Variants in AGMO observed in about 807,000 individuals in gnomAD.
AGMO encodes the protein alkylglycerol monooxygenase.
A neutral mutation model predicts 60.2 loss-of-function variants in AGMO; 75 were observed. The ratio of observed to expected loss-of-function variants is 1.25; its 90% CI spans 1.03 to 1.51. The LOEUF is 1.51. Among genes scored for constraint, AGMO ranks in the 40% most tolerant of loss-of-function variants. The probability of loss-of-function intolerance (pLI) is 0.00; values close to 1 mark genes in which losing one functional copy is unlikely to be tolerated. For synonymous variants in AGMO, 261 were observed against 177.1 expected, an observed-to-expected ratio of 1.47 and a Z score of -3.76; for missense variants, 763 against 525.5, an observed-to-expected ratio of 1.45 and a Z score of -4.42.
At chr7:15,191,276 G>A in the AGMO span, among the ~76,000 whole-genome samples, 649 of 152,220 alleles carry the variant, frequency 4.3e-3, 1 homozygote, top group African/African-American at 0.013. Flanking sequence ...CAAGTAACAC[G>A]ATATCTTGCT....
intron 12 of AGMO, among the ~76,000 whole-genome samples, chr7:15,310,091 T>C (rs1470919081): frequency 6.6e-6 from 1 of 152,178 alleles, no homozygotes; most frequent in Admixed American, 6.5e-5. Context: ...GCCTGTTCTT[T>C]CTGGATTAGC....
At chr7:15,488,011 AAAATTTTCCCCGAG>A (rs1210514288) in intron 3 of AGMO, among the ~76,000 whole-genome samples, 1 of 152,180 alleles carries the variant, frequency 6.6e-6, no homozygotes, top group Non-Finnish European at 1.5e-5. Context: ...CAATATGCAT[AAAATTTTCCCCGAG>A]ATCTGTTTAG....
At chr7:15,156,283 T>C in the AGMO span, among the ~76,000 whole-genome samples, 1 of 152,206 alleles carries the variant, frequency 6.6e-6, no homozygotes, top group African/African-American at 2.4e-5. Flanking sequence ...GAAAGAGCTA[T>C]GGCAGTGGCT....
chr7:15,391,781 C>T (rs1419520862), intron 6 of AGMO, among the ~76,000 whole-genome samples: 4 of 152,104 alleles, frequency 2.6e-5, no homozygotes, highest in Non-Finnish European at 1.5e-5. Context: ...AAGCATTTTG[C>T]CCCTTAAGGA....
chr7:15,227,643 G>A (rs1782127259), intron 12 of AGMO, among the ~76,000 whole-genome samples: 1 of 152,024 alleles, frequency 6.6e-6, no homozygotes, highest in South Asian at 2.1e-4. Flanking sequence ...CATTATGGCT[G>A]GAATTTCCAC....
intron 3 of AGMO, among the ~76,000 whole-genome samples, chr7:15,509,751 G>A (rs967102897): frequency 5.9e-5 from 9 of 152,118 alleles, no homozygotes; most frequent in Non-Finnish European, 1.0e-4. Context: ...AATGGGCAAA[G>A]GACCTGAATA....
chr7:15,352,267 C>T (rs1405400393), intron 12 of AGMO, among the ~76,000 whole-genome samples: 1 of 152,072 alleles, frequency 6.6e-6, no homozygotes, highest in East Asian at 1.9e-4. Context: ...AAGATGGCCT[C>T]CCTACTTGTC....
the AGMO span, among the ~76,000 whole-genome samples, chr7:15,152,241 T>C: frequency 6.6e-6 from 1 of 152,174 alleles, no homozygotes; most frequent in African/African-American, 2.4e-5. Context: ...TGTTTTCTTT[T>C]AAAATTTTTA....
intron 3 of AGMO, among the ~76,000 whole-genome samples, chr7:15,525,936 T>A (rs1181612266): frequency 6.6e-6 from 1 of 152,170 alleles, no homozygotes; most frequent in African/African-American, 2.4e-5. Flanking sequence ...AACACTGGAA[T>A]CCACTGCAGG....
At chr7:15,251,556 T>C (rs533975642) in intron 12 of AGMO, among the ~76,000 whole-genome samples, 2 of 152,332 alleles carry the variant, frequency 1.3e-5, no homozygotes, top group African/African-American at 4.8e-5. Context: ...GTTAATGTTC[T>C]AAGAAAGCAA....
chr7:15,386,798 C>CTTCT (rs1783932835), intron 9 of AGMO, among the ~76,000 whole-genome samples: 1 of 152,126 alleles, frequency 6.6e-6, no homozygotes, highest in Non-Finnish European at 1.5e-5. Flanking sequence ...TAAAAAGCAC[C>CTTCT]TTCTCTTTCT....
chr7:15,214,505 A>T (rs931816385), intron 12 of AGMO, among the ~76,000 whole-genome samples: 1 of 151,982 alleles, frequency 6.6e-6, no homozygotes, highest in African/African-American at 2.4e-5. Context: ...ATTTTCTCAC[A>T]CCCTCAAATT....
intron 4 of AGMO, among the ~76,000 whole-genome samples, chr7:15,422,574 C>T (rs10274159): frequency 1.3e-5 from 2 of 152,082 alleles, no homozygotes; most frequent in Admixed American, 6.6e-5. Flanking sequence ...AAAACCCTCA[C>T]ATTTCTCTTT....
intron 12 of AGMO, among the ~76,000 whole-genome samples, chr7:15,245,094 C>G (rs1782702132): frequency 6.6e-6 from 1 of 152,156 alleles, no homozygotes; most frequent in Non-Finnish European, 1.5e-5. Context: ...TGTGGACTAT[C>G]AGGATAAGAA....
intron 12 of AGMO, among the ~76,000 whole-genome samples, chr7:15,279,677 T>C (rs775832011): frequency 2.0e-5 from 3 of 151,990 alleles, no homozygotes; most frequent in Non-Finnish European, 2.9e-5. Flanking sequence ...CACAGACCCT[T>C]TGAAAGAAGC....
At chr7:15,378,052 TA>T (rs1783524692) in intron 10 of AGMO, among the ~76,000 whole-genome samples, 1 of 152,034 alleles carries the variant, frequency 6.6e-6, no homozygotes. Context: ...AAACAGTAAC[TA>T]TATGTCCAAT....
chr7:15,117,851 G>C, the AGMO span, among the ~76,000 whole-genome samples: 1 of 151,782 alleles, frequency 6.6e-6, no homozygotes, highest in Non-Finnish European at 1.5e-5. Context: ...AGTATATTAT[G>C]GTTTATTGAT....
chr7:15,269,753 T>A (rs1783541037), intron 12 of AGMO, among the ~76,000 whole-genome samples: 1 of 151,898 alleles, frequency 6.6e-6, no homozygotes, highest in Non-Finnish European at 1.5e-5. Context: ...TCAACCATCA[T>A]CCCTCTCATA....
chr7:15,401,171 GTCTTTCCCATTTAAATTGAAAA>G (rs1156499094), intron 5 of AGMO, among the ~76,000 whole-genome samples: 168 of 152,060 alleles, frequency 1.1e-3, no homozygotes, highest in African/African-American at 4.0e-3. Flanking sequence ...TGTGTCTTGT[GTCTTTCCCATTTAAATTGAAAA>G]ATACTTTAGA....
Sources: gnomAD v4.1 joint callset for allele counts (sites outside exome capture counted in the v4.1 genomes callset) on GRCh38, gnomAD v4.1.1 for gene constraint, MANE v1.5 for transcripts, NCBI Gene and HGNC (gene_info 2026-07-23, HGNC 2026-07-21) for gene names.